CSMD1: variants seen among roughly 807,000 people sequenced by gnomAD.
CSMD1 encodes CUB and Sushi multiple domains 1, also known as CUB and sushi domain-containing protein 1.
CSMD1 carries 213 observed loss-of-function variants against 417.5 expected under a neutral mutation model. The observed-to-expected ratio is 0.51, with a 90% CI of 0.46 to 0.57. The LOEUF is 0.57. CSMD1 is among the 20% of genes least tolerant of loss of function. The pLI is 0.00. For synonymous variants in CSMD1, 2,862 were observed against 1,736.8 expected (o/e 1.65, Z -16.11); for missense variants, 6,923 against 4,529.7 (o/e 1.53, Z -15.17).
At chr8:3,653,769 C>G (rs1797972546) in intron 7 of CSMD1, among the ~76,000 whole-genome samples, 1 of 152,096 alleles carries the variant, frequency 6.6e-6, no homozygotes, top group African/African-American at 2.4e-5. Flanking sequence ...AGTGGGTCCC[C>G]AAAATGACAT....
chr8:3,222,681 T>C lies in CSMD1; in HGVS notation c.4484+1048A>G, dbSNP rs531083209. On this transcript the variant is annotated intron_variant, in intron 28 of 69. Coordinates refer to ENST00000635120, the MANE Select transcript of CSMD1 (RefSeq NM_033225.6). ...AATTTTAAGGAAGACGCTACTAGAA[T>C]TTAACATTAACAAAACCCACATAGA... 3.3e-5 allele frequency among the ~76,000 whole-genome samples: 5 copies of C among 152,262 alleles called. No homozygotes were observed. The South Asian group carries it at 1.0e-3, about 32-fold the overall frequency.
chr8:3,388,875 C>T (rs1009162025), intron 17 of CSMD1, among the ~76,000 whole-genome samples: 5 of 150,818 alleles, frequency 3.3e-5, no homozygotes, highest in African/African-American at 9.8e-5. Flanking sequence ...CCTCTCTCTA[C>T]ATACACACCA....
At chr8:3,542,832 G>A (rs1798496877) in intron 10 of CSMD1, among the ~76,000 whole-genome samples, 1 of 152,198 alleles carries the variant, frequency 6.6e-6, no homozygotes, top group Non-Finnish European at 1.5e-5. Flanking sequence ...CCATAACCCT[G>A]GGGTACAAAG....
At chr8:3,801,596 G>A (rs576363538) in intron 5 of CSMD1, among the ~76,000 whole-genome samples, 2 of 151,794 alleles carry the variant, frequency 1.3e-5, no homozygotes, top group Admixed American at 6.6e-5. Context: ...CTGTTACCCT[G>A]TGAGTAAAGA....
chr8:3,257,940 C>T (rs781694506), intron 26 of CSMD1, among the ~76,000 whole-genome samples: 1 of 152,066 alleles, frequency 6.6e-6, no homozygotes, highest in Non-Finnish European at 1.5e-5. Flanking sequence ...AATGTAGCCA[C>T]TGTGTTCAGG....
At chr8:4,326,838 A>G (rs1039093245) in intron 3 of CSMD1, among the ~76,000 whole-genome samples, 3 of 152,184 alleles carry the variant, frequency 2.0e-5, no homozygotes, top group Non-Finnish European at 4.4e-5. Flanking sequence ...TCTGAAAAAA[A>G]AAGGTCACAG....
At position 3,543,713 on chromosome 8, in the gene CSMD1, G is replaced by A. The variant is rs78921967; in HGVS notation, c.1344+31232C>T. On this transcript the variant is annotated intron_variant, in intron 10 of 69. Coordinates refer to ENST00000635120, the MANE Select transcript of CSMD1 (RefSeq NM_033225.6). ...ACAGGTTTTGTAGAGGAGACCCAGAGTTTGCTTTTAGACATGCTGTGTTTG... is the reference window on the plus strand; with the variant it reads ...ACAGGTTTTGTAGAGGAGACCCAGAATTTGCTTTTAGACATGCTGTGTTTG... 2.3e-3 allele frequency among the ~76,000 whole-genome samples: 348 copies of A among 152,250 alleles called. 5 individuals are homozygous for A. Among genetic ancestry groups the A allele is most frequent in the Admixed American group, 0.016 (246 of 15,300 alleles).
chr8:4,962,216 C>A lies in CSMD1; in HGVS notation c.85+32116G>T, dbSNP rs199792448. On this transcript the variant is annotated intron_variant, in intron 1 of 69. Transcript: ENST00000635120. ...TTTTTTTAAAAAAAAAAGAAAAAAA[C>A]AAATATTTGTTGGAGACAGAGACTC... Among the ~76,000 whole-genome samples, 39 of 131,980 alleles carry A rather than the reference C, an allele frequency of 3.0e-4. No individual in the cohort carries two copies. In the South Asian group the frequency reaches 8.7e-3, roughly 30 times the overall value. 86.6% of individuals were successfully genotyped at this position (131,980 alleles called of 152,430 possible).
intron 26 of CSMD1, among the ~76,000 whole-genome samples, chr8:3,266,604 CAAAAAAA>C (rs60439183): frequency 3.9e-4 from 10 of 25,508 alleles, no homozygotes; most frequent in East Asian, 2.5e-3. Flanking sequence ...GACTCCCTCT[CAAAAAAA>C]AAAAAAAAAA....
intron 18 of CSMD1, 140 bp from the exon 19 acceptor site, chr8:3,369,510 G>C (rs112537462): frequency 3.4e-6 from 2 of 593,220 alleles, no homozygotes; most frequent in Middle Eastern, 3.5e-4. Flanking sequence ...AGCAGAACCT[G>C]AGCTTTATGT....
intron 39 of CSMD1, 86 bp from the exon 40 acceptor site, chr8:3,151,599 G>C (rs926138227): frequency 7.5e-6 from 6 of 800,562 alleles, no homozygotes; most frequent in Non-Finnish European, 1.3e-5. Flanking sequence ...CAACTATGCT[G>C]AGAAAGAGCA....
chr8:3,535,281 T>C (rs1033353314), intron 10 of CSMD1, among the ~76,000 whole-genome samples: 42 of 152,058 alleles, frequency 2.8e-4, no homozygotes, highest in African/African-American at 9.4e-4. Context: ...CAGACGACAC[T>C]GAAATAGTTA....
chr8:3,583,938 G>C (rs1432557180), intron 9 of CSMD1, among the ~76,000 whole-genome samples: 1 of 151,528 alleles, frequency 6.6e-6, no homozygotes, highest in Non-Finnish European at 1.5e-5. Flanking sequence ...AGGAGTCCAA[G>C]ATGGAGAAAC....
intron 3 of CSMD1, among the ~76,000 whole-genome samples, chr8:4,063,436 C>T (rs1172349246): frequency 6.6e-6 from 1 of 152,050 alleles, no homozygotes; most frequent in African/African-American, 2.4e-5. Flanking sequence ...TAAATGAATA[C>T]AATGTCCTTA....
At chr8:2,993,944 G>C (rs1422453806) in intron 54 of CSMD1, among the ~76,000 whole-genome samples, 2 of 147,960 alleles carry the variant, frequency 1.4e-5, no homozygotes, top group East Asian at 2.0e-4. Context: ...AGGAATTCAA[G>C]ACCAGCCTGA....
rs145414619 is a variant in CSMD1 at position 3,547,114 on chromosome 8, C to G, written c.1344+27831G>C. Among the ~76,000 whole-genome samples, 7 of 152,258 alleles carry G rather than the reference C, an allele frequency of 4.6e-5. No homozygotes were observed. In the East Asian group the frequency reaches 1.4e-3, roughly 30 times the overall value. On this transcript the variant is annotated intron_variant, in intron 10 of 69. Coordinates refer to ENST00000635120, the MANE Select transcript of CSMD1 (RefSeq NM_033225.6). ...TAACGTGGGCTACAGGTTGGCCAAC[C>G]CTCATGCTGCCATTCACACAGGCTC...
chr8:4,694,655 G>C (rs114521429), intron 1 of CSMD1, among the ~76,000 whole-genome samples: 1,926 of 151,894 alleles, frequency 0.013, 32 homozygotes, highest in African/African-American at 0.043. Flanking sequence ...GAGTCACCGC[G>C]CCCAGCCCAA....
chr8:3,974,604 T>C (rs1489973303), intron 5 of CSMD1, among the ~76,000 whole-genome samples: 3 of 152,212 alleles, frequency 2.0e-5, no homozygotes, highest in Admixed American at 6.5e-5. Flanking sequence ...ACAACCCTTG[T>C]TTTTACTAAA....
intron 3 of CSMD1, among the ~76,000 whole-genome samples, chr8:4,155,645 A>G (rs1364632354): frequency 2.0e-5 from 3 of 152,058 alleles, no homozygotes; most frequent in Admixed American, 6.6e-5. Context: ...AGCTGATGAC[A>G]TAATACACAT....
Sources: gnomAD v4.1 joint callset for allele counts (sites outside exome capture counted in the v4.1 genomes callset) on GRCh38, gnomAD v4.1.1 for gene constraint, MANE v1.5 for transcripts, NCBI Gene and HGNC (gene_info 2026-07-23, HGNC 2026-07-21) for gene names.